DGKB: variants seen among roughly 807,000 people sequenced by gnomAD.
The protein encoded by DGKB is 90 kDa diacylglycerol kinase.
Under a neutral mutation model 114.3 loss-of-function variants are expected in DGKB, and 67 were observed. The ratio of observed to expected loss-of-function variants is 0.59; its 90% CI spans 0.48 to 0.72. The LOEUF (loss-of-function observed/expected upper bound fraction) is 0.72. Ranked by LOEUF, DGKB falls within the 30% of genes least tolerant of loss-of-function variation. The probability of loss-of-function intolerance (pLI) is 0.00; values close to 1 mark genes in which losing one functional copy is unlikely to be tolerated. For synonymous variants in DGKB, 398 were observed against 323.1 expected (o/e 1.23, Z -2.49); for missense variants, 907 against 975.2 (o/e 0.93, Z 0.93).
intron 2 of DGKB, among the ~76,000 whole-genome samples, chr7:14,811,327 T>C (rs578144362): frequency 1.3e-5 from 2 of 152,226 alleles, no homozygotes; most frequent in African/African-American, 4.8e-5. Context: ...CCCACTTCAG[T>C]TTCCTGAGTA....
intron 23 of DGKB, among the ~76,000 whole-genome samples, chr7:14,283,645 G>C (rs1044262418): frequency 1.1e-4 from 17 of 150,890 alleles, no homozygotes; most frequent in Non-Finnish European, 2.4e-4. Flanking sequence ...AAAACAGCAT[G>C]GTACTGGTAC....
chr7:14,727,081 TAA>T (rs774970800), intron 5 of DGKB, among the ~76,000 whole-genome samples: 3 of 152,208 alleles, frequency 2.0e-5, no homozygotes, highest in Non-Finnish European at 2.9e-5. Flanking sequence ...AAACTGTAAA[TAA>T]ATATTTTTGA....
intron 15 of DGKB, among the ~76,000 whole-genome samples, chr7:14,614,348 A>G (rs1806141468): frequency 1.3e-5 from 2 of 152,096 alleles, no homozygotes; most frequent in East Asian, 1.9e-4. Flanking sequence ...AAGTATTCCT[A>G]TTCAATGTAA....
chr7:14,256,145 T>A (rs1795937986), intron 23 of DGKB, among the ~76,000 whole-genome samples: 3 of 152,220 alleles, frequency 2.0e-5, no homozygotes, highest in Non-Finnish European at 2.9e-5. Flanking sequence ...TATTGAATCT[T>A]TGCTTTTTAC....
chr7:14,886,706 T>A (rs553467969), intron 1 of DGKB, among the ~76,000 whole-genome samples: 1 of 151,950 alleles, frequency 6.6e-6, no homozygotes, highest in Non-Finnish European at 1.5e-5. Flanking sequence ...AATAGCTGGC[T>A]GGCTACCACC....
At chr7:14,460,467 A>G (rs1832917632) in intron 21 of DGKB, among the ~76,000 whole-genome samples, 1 of 152,146 alleles carries the variant, frequency 6.6e-6, no homozygotes, top group South Asian at 2.1e-4. Flanking sequence ...AGTCTCTGAT[A>G]AAACAGACTT....
chr7:14,682,724 T>G lies in DGKB; in HGVS notation c.918+29A>C, dbSNP rs1183419353. Reference sequence around the variant, plus strand: ...AGGACACACTACATAATGGCCACCTTCAGAAAGCAAGCATGCACACAAACT... The same window carrying G: ...AGGACACACTACATAATGGCCACCTGCAGAAAGCAAGCATGCACACAAACT... On this transcript the variant is annotated intron_variant, in intron 11 of 25. Coordinates refer to ENST00000402815, the MANE Select transcript of DGKB (RefSeq NM_001350709.2). 11 of 1,609,294 alleles carry G rather than the reference T, an allele frequency of 6.8e-6. No individual in the cohort carries two copies. The East Asian group carries it at 2.0e-4, about 29-fold the overall frequency.
At chr7:14,885,508 T>G (rs549258326) in intron 1 of DGKB, among the ~76,000 whole-genome samples, 2 of 151,786 alleles carry the variant, frequency 1.3e-5, no homozygotes, top group African/African-American at 2.4e-5. Context: ...GAGGGTCAAC[T>G]GCTATGAGAG....
chr7:14,432,794 T>C (rs1828664049), intron 21 of DGKB, among the ~76,000 whole-genome samples: 1 of 152,174 alleles, frequency 6.6e-6, no homozygotes, highest in African/African-American at 2.4e-5. Flanking sequence ...TTCCCTCATT[T>C]CATGCTTCTC....
At chr7:14,675,269 G>A (rs1224399509) in intron 12 of DGKB, among the ~76,000 whole-genome samples, 1 of 152,102 alleles carries the variant, frequency 6.6e-6, no homozygotes, top group African/African-American at 2.4e-5. Context: ...GACTACAGAT[G>A]CAGTCAGAGG....
At chr7:14,910,869 C>T (rs1026329554) in intron 1 of DGKB, among the ~76,000 whole-genome samples, 2 of 152,100 alleles carry the variant, frequency 1.3e-5, no homozygotes, top group African/African-American at 4.8e-5. Flanking sequence ...ATCACTAATG[C>T]TTGAAATATT....
intron 23 of DGKB, among the ~76,000 whole-genome samples, chr7:14,267,117 G>GT (rs1462828003): frequency 2.0e-5 from 3 of 152,112 alleles, no homozygotes; most frequent in Non-Finnish European, 4.4e-5. Flanking sequence ...GTTTTTTGAT[G>GT]TTTTTTCTAT....
chr7:14,295,585 G>T (rs1020127159), intron 23 of DGKB, among the ~76,000 whole-genome samples: 3 of 151,482 alleles, frequency 2.0e-5, no homozygotes, highest in African/African-American at 7.3e-5. Context: ...TTAATAGATA[G>T]GTTTTCTGTG....
At chr7:14,879,514 A>G (rs1317376558) in intron 1 of DGKB, among the ~76,000 whole-genome samples, 2 of 152,178 alleles carry the variant, frequency 1.3e-5, no homozygotes, top group African/African-American at 4.8e-5. Context: ...GTAAATATTT[A>G]TGTCTTTAAA....
chr7:14,809,696 A>T lies in DGKB; in HGVS notation c.70+31498T>A, dbSNP rs1386786212. Among the ~76,000 whole-genome samples the T allele has an allele frequency of 2.0e-5, 3 of 152,158 alleles. No individual in the cohort carries two copies. The East Asian group carries it at 5.8e-4, about 29-fold the overall frequency. ...GAATCTCTGCCTGACAAACATCTCAATCAAATGTGTATAATAATTCAGTGC... is the reference window on the plus strand; with the variant it reads ...GAATCTCTGCCTGACAAACATCTCATTCAAATGTGTATAATAATTCAGTGC... On this transcript the variant is annotated intron_variant, in intron 2 of 25. Transcript: ENST00000402815.
intron 21 of DGKB, among the ~76,000 whole-genome samples, chr7:14,472,922 T>G (rs1314928675): frequency 2.0e-5 from 3 of 152,114 alleles, no homozygotes; most frequent in Non-Finnish European, 4.4e-5. Flanking sequence ...AGAGGTGACT[T>G]GGGTGCTGTT....
chr7:14,559,018 A>G (rs890961253), intron 20 of DGKB, among the ~76,000 whole-genome samples: 2 of 152,198 alleles, frequency 1.3e-5, no homozygotes, highest in African/African-American at 4.8e-5. Flanking sequence ...TTTTCTTAGA[A>G]GCCTCCAAAT....
At chr7:14,403,721 G>A (rs1322242620) in intron 21 of DGKB, among the ~76,000 whole-genome samples, 1 of 151,938 alleles carries the variant, frequency 6.6e-6, no homozygotes, top group East Asian at 1.9e-4. Context: ...ACATGTGACT[G>A]CTTTGCCATT....
chr7:14,841,076 AG>A (rs1236705747), intron 2 of DGKB, 117 bp downstream of exon 2: 86 of 849,590 alleles, frequency 1.0e-4, no homozygotes, highest in Non-Finnish European at 2.5e-5. Context: ...TAAACACAAA[AG>A]GCAGAGCTGG....
Sources: allele counts gnomAD v4.1 joint callset (sites outside exome capture counted in the v4.1 genomes callset), GRCh38; gene constraint gnomAD v4.1.1; transcripts MANE v1.5; gene names NCBI Gene and HGNC (gene_info 2026-07-23, HGNC 2026-07-21).